SUN3: variants seen among roughly 807,000 people sequenced by gnomAD.
SUN3 encodes SUN domain-containing protein 3.
In SUN3, 36 loss-of-function variants were observed where a neutral mutation model predicts 48.2. The ratio of observed to expected loss-of-function variants is 0.75; its 90% CI spans 0.57 to 0.99. The LOEUF is 0.99. Among genes scored for constraint, SUN3 ranks in the 50% least tolerant of loss-of-function variants. The pLI, the probability that SUN3 is intolerant of heterozygous loss-of-function variation, is 0.00. For synonymous variants in SUN3, 148 were observed against 147.9 expected (o/e 1.00, Z 0.00); for missense variants, 419 against 433.1 (o/e 0.97, Z 0.29).
At chr7:47,993,986 C>T (rs563495251) in intron 8 of SUN3, among the ~76,000 whole-genome samples, 1 of 152,010 alleles carries the variant, frequency 6.6e-6, no homozygotes, top group Admixed American at 6.5e-5. Context: ...GAGGCAAGTA[C>T]CCAAATAAAC....
intron 6 of SUN3, among the ~76,000 whole-genome samples, chr7:47,998,870 G>C (rs1789283790): frequency 6.6e-6 from 1 of 152,114 alleles, no homozygotes; most frequent in South Asian, 2.1e-4. Flanking sequence ...TTGATTTCAC[G>C]AGTACCACAT....
chr7:48,000,389 C>T (rs1789329925), intron 6 of SUN3, among the ~76,000 whole-genome samples: 3 of 152,112 alleles, frequency 2.0e-5, no homozygotes, highest in African/African-American at 4.8e-5. Context: ...CCACCCGCCT[C>T]GGCCTCCCAA....
intron 6 of SUN3, among the ~76,000 whole-genome samples, chr7:47,998,055 T>A (rs1243520572): frequency 1.3e-5 from 2 of 152,248 alleles, no homozygotes; most frequent in African/African-American, 2.4e-5. Context: ...CAAGTTTTGA[T>A]GTGAACATGT....
intron 1 of SUN3, among the ~76,000 whole-genome samples, chr7:48,028,479 C>CAAAAAAAAA (rs55997019): frequency 4.4e-5 from 2 of 45,258 alleles, no homozygotes; most frequent in African/African-American, 1.1e-4. Context: ...AGCCCAATGA[C>CAAAAAAAAA]AAAAAAAAAA....
chr7:47,998,812 C>G (rs1789282724), intron 6 of SUN3, among the ~76,000 whole-genome samples: 1 of 152,074 alleles, frequency 6.6e-6, no homozygotes, highest in Non-Finnish European at 1.5e-5. Flanking sequence ...TTTCAAAAAT[C>G]TATTCACCAC....
the SUN3 span, chr7:48,035,509 C>T: frequency 1.4e-6 from 1 of 697,538 alleles, no homozygotes; most frequent in Admixed American, 2.0e-5. This position sits in a 1 kb window ranked among gnomAD's most constrained non-coding sequence, Gnocchi z 4.0. Flanking sequence ...CCTGGCGACG[C>T]CGATGTTGTG....
chr7:48,015,192 G>T (rs938370495), intron 3 of SUN3, among the ~76,000 whole-genome samples: 3 of 152,134 alleles, frequency 2.0e-5, no homozygotes, highest in Non-Finnish European at 2.9e-5. Context: ...TGCTTTTCTG[G>T]TTATGACCTA....
intron 6 of SUN3, among the ~76,000 whole-genome samples, chr7:48,003,296 A>G (rs146867596): frequency 0.024 from 3,700 of 152,270 alleles, 148 homozygotes; most frequent in African/African-American, 0.084. Flanking sequence ...TTGTACCAGT[A>G]CCATGCTGTT....
chr7:48,007,923 A>T (rs1789577209), intron 4 of SUN3, among the ~76,000 whole-genome samples: 1 of 151,076 alleles, frequency 6.6e-6, no homozygotes, highest in African/African-American at 2.4e-5. Flanking sequence ...TCCCGGGTTC[A>T]AGTGATTCTC....
Position 48,025,918 on chromosome 7 carries a change from A to C in SUN3, c.143T>G (p.Ile48Ser). The C allele has an allele frequency of 6.2e-7, 1 of 1,600,988 alleles. No homozygotes were observed. Reference protein sequence around the residue: ...DANGVTRSWKIILSTMLTLTF... With the variant: ...DANGVTRSWKSILSTMLTLTF... The stretch of plus-strand genomic sequence containing the variant: ...CAGTGTAAGCATTGTACTTAGAATA[A>C]TCTTCCATGATCGAGTTACCCTAAA... The change falls in exon 2 of 10, where the codon ATT becomes AGT. Residue 48 changes from isoleucine (I) to serine (S), a missense_variant. Physicochemically the swap from Ile to Ser is moderately radical, Grantham distance 142. Coordinates refer to ENST00000297325, the MANE Select transcript of SUN3 (RefSeq NM_001030019.2).
At chr7:48,004,149 T>C (rs1467589963) in intron 6 of SUN3, among the ~76,000 whole-genome samples, 1 of 152,242 alleles carries the variant, frequency 6.6e-6, no homozygotes, top group Non-Finnish European at 1.5e-5. Flanking sequence ...TTATGCTAGC[T>C]GCTTCAAGTC....
At chr7:48,027,076 T>C (rs987846461) in intron 1 of SUN3, among the ~76,000 whole-genome samples, 9 of 152,158 alleles carry the variant, frequency 5.9e-5, no homozygotes, top group African/African-American at 2.2e-4. Flanking sequence ...GTTTGAACCA[T>C]CTATAAATGG....
chr7:48,026,919 G>A (rs754779524), intron 1 of SUN3, among the ~76,000 whole-genome samples: 12 of 152,286 alleles, frequency 7.9e-5, no homozygotes, highest in Admixed American at 1.3e-4. Context: ...CAGCCACCCA[G>A]TCTGTGGTAT....
At chr7:48,002,378 T>C (rs905714810) in intron 6 of SUN3, among the ~76,000 whole-genome samples, 3 of 128,400 alleles carry the variant, frequency 2.3e-5, no homozygotes. Context: ...CAGGATGGTC[T>C]CGATCTCCTG....
chr7:48,021,436 C>G (rs1239908725), intron 2 of SUN3, among the ~76,000 whole-genome samples: 1 of 151,646 alleles, frequency 6.6e-6, no homozygotes, highest in Non-Finnish European at 1.5e-5. Context: ...AAGCTTCTGA[C>G]AGCAAAGGAT....
rs187703670 is a variant in SUN3, at chr7:48,021,791, G to A, written c.184+4086C>T. Among the ~76,000 whole-genome samples the A allele has an allele frequency of 3.0e-3, 454 of 152,260 alleles. 7 individuals carry two copies. The highest frequency in any genetic ancestry group is 0.01 in the African/African-American group (424 of 41,570). On this transcript the variant is annotated intron_variant, in intron 2 of 9. Coordinates refer to ENST00000297325, the MANE Select transcript of SUN3 (RefSeq NM_001030019.2). ...AATAACAAATGCTGGAGAGGATGTG[G>A]AGAGAGGAGAACTCTCATACACTGT... is the stretch of plus-strand genomic sequence containing the variant.
the SUN3 span, among the ~76,000 whole-genome samples, chr7:48,034,460 CA>C: frequency 6.6e-6 from 1 of 152,170 alleles, no homozygotes; most frequent in South Asian, 2.1e-4. Context: ...AAATTTTCAA[CA>C]AGAGAAAACC....
At chr7:48,005,925 T>TC in intron 6 of SUN3, 44 bp downstream of exon 6, 1 of 1,302,662 alleles carries the variant, frequency 7.7e-7, no homozygotes, top group Non-Finnish European at 1.1e-6. Context: ...CCTGAAGCAT[T>TC]CTTTTTTTTT....
chr7:48,033,207 A>G (rs1411656805), upstream of SUN3, among the ~76,000 whole-genome samples: 1 of 152,218 alleles, frequency 6.6e-6, no homozygotes, highest in Non-Finnish European at 1.5e-5. Flanking sequence ...CCATGGCATC[A>G]TTACCTACAT....
Sources: allele counts gnomAD v4.1 joint callset (sites outside exome capture counted in the v4.1 genomes callset), GRCh38; gene constraint gnomAD v4.1.1; non-coding constraint Gnocchi (gnomAD v3.1); transcripts MANE v1.5; gene names NCBI Gene and HGNC (gene_info 2026-07-23, HGNC 2026-07-21).